Variants in EFCAB14 observed in about 807,000 individuals in gnomAD.
The protein encoded by EFCAB14 is EF-hand calcium-binding domain-containing protein 14.
In EFCAB14, 43 loss-of-function variants were observed where a neutral mutation model predicts 56.5. The observed-to-expected ratio is 0.76, with a 90% CI of 0.60 to 0.98. The LOEUF is 0.98. EFCAB14 is among the 50% of genes least tolerant of loss of function. The pLI is 0.00. For missense variants in EFCAB14, 538 were observed against 580.3 expected (o/e 0.93, Z 0.75); for synonymous variants, 235 against 212.9 (o/e 1.10, Z -0.90).
In EFCAB14 at chr1:46,679,599, G is replaced by GTT. The variant is rs60875639; in HGVS notation, c.1313-965_1313-964dup. Among the ~76,000 whole-genome samples the GTT allele has an allele frequency of 1.9e-3, 68 of 36,520 alleles. 11 individuals are homozygous for GTT. The highest frequency in any genetic ancestry group is 4.3e-3 in the East Asian group (5 of 1,150). 24.0% of individuals were successfully genotyped at this position (36,520 alleles called of 152,430 possible). On this transcript the variant is annotated intron_variant, in intron 10 of 10. Coordinates refer to ENST00000371933, the MANE Select transcript of EFCAB14 (RefSeq NM_014774.3). ...ATTATAGGCGTGAACCACCACGCCT[G>GTT]TTTTTTTTTTTTTTTTTTTTTTTTT...
intron 2 of EFCAB14, among the ~76,000 whole-genome samples, chr1:46,712,158 T>C (rs1677318933): frequency 6.6e-6 from 1 of 152,240 alleles, no homozygotes; most frequent in African/African-American, 2.4e-5. Context: ...TTTTCTAGTA[T>C]ACTTTAGAGG....
At chr1:46,681,228 GGA>G (rs1188969924) in intron 10 of EFCAB14, among the ~76,000 whole-genome samples, 6 of 151,988 alleles carry the variant, frequency 3.9e-5, no homozygotes, top group Non-Finnish European at 8.8e-5. Flanking sequence ...CAAAATGCTG[GGA>G]TTACAGGCAT....
intron 8 of EFCAB14, among the ~76,000 whole-genome samples, chr1:46,686,468 C>G (rs1236518678): frequency 6.6e-5 from 10 of 152,274 alleles, no homozygotes; most frequent in Admixed American, 2.0e-4. Context: ...ACTTATCATA[C>G]TCATGATTCA....
chr1:46,687,289 TTCAAGGCATAA>T (rs1403254534), intron 7 of EFCAB14, among the ~76,000 whole-genome samples: 2 of 152,226 alleles, frequency 1.3e-5, no homozygotes, highest in African/African-American at 4.8e-5. Context: ...CTTGAAAACT[TTCAAGGCATAA>T]TACTCATCAT....
rs2148841164 is a variant in EFCAB14 at position 46,688,439 on chromosome 1, TACTG to T, written c.897_900del (p.Ser300IlefsTer8). On this transcript the variant is annotated frameshift_variant, in exon 7 of 11. Transcript: ENST00000371933. LOFTEE classifies it high-confidence loss of function. ...ATCAGGTTGACTCTCTGGGTAAGAT[TACTG>T]ACTGTCTCGTTCATTCCCTCGAGTT... The T allele has an allele frequency of 6.2e-7, 1 of 1,614,052 alleles. No individual in the cohort carries two copies. Among genetic ancestry groups the T allele is most frequent in the Non-Finnish European group, 8.5e-7 (1 of 1,179,928 alleles).
At chr1:46,713,320 C>A (rs1395148763) in intron 2 of EFCAB14, among the ~76,000 whole-genome samples, 8 of 152,164 alleles carry the variant, frequency 5.3e-5, no homozygotes, top group Admixed American at 5.2e-4. Context: ...CTGCTTCATT[C>A]AGCTGGCTGA....
rs188923730 is a variant in EFCAB14 at position 46,701,567 on chromosome 1, G to C, written c.481-4918C>G. On this transcript the variant is annotated intron_variant, in intron 3 of 10. Coordinates refer to ENST00000371933, the MANE Select transcript of EFCAB14 (RefSeq NM_014774.3). ...GTGCATGGCTAATCAGAAGTATCTCGGGAATGGTAGTGGTCTCACAAAAAG... is the reference window on the plus strand; with the variant it reads ...GTGCATGGCTAATCAGAAGTATCTCCGGAATGGTAGTGGTCTCACAAAAAG... Among the ~76,000 whole-genome samples, 5 of 152,316 alleles carry C rather than the reference G, an allele frequency of 3.3e-5. No homozygotes were observed. The East Asian group carries it at 7.7e-4, about 24-fold the overall frequency.
rs370357691 is a variant in EFCAB14 at position 46,713,228 on chromosome 1, T to C, written c.334+3067A>G. Among the ~76,000 whole-genome samples, 9 of 152,260 alleles carry C rather than the reference T, an allele frequency of 5.9e-5. No homozygotes were observed. The South Asian group carries it at 8.3e-4, about 14-fold the overall frequency. Reference sequence around the variant, plus strand: ...TCCCTCAGGAAGTCCTGCTTTGCAATGTCAGGAAGACATTGCAGGTGCTGG... The same window carrying C: ...TCCCTCAGGAAGTCCTGCTTTGCAACGTCAGGAAGACATTGCAGGTGCTGG... On this transcript the variant is annotated intron_variant, in intron 2 of 10. Coordinates refer to ENST00000371933, the MANE Select transcript of EFCAB14 (RefSeq NM_014774.3).
intron 10 of EFCAB14, 89 bp downstream of exon 10, chr1:46,683,211 A>T (rs1255900322): frequency 3.5e-6 from 5 of 1,436,698 alleles, no homozygotes; most frequent in Non-Finnish European, 4.8e-6. Context: ...TAAATGTTAG[A>T]TCATATATAT....
chr1:46,690,710 C>A (rs1407913864), intron 5 of EFCAB14, among the ~76,000 whole-genome samples: 2 of 152,140 alleles, frequency 1.3e-5, no homozygotes, highest in African/African-American at 4.8e-5. Flanking sequence ...GCAGTTAGAA[C>A]CAGAACCAAG....
Position 46,689,617 on chromosome 1 carries a change from G to T in EFCAB14, c.765C>A (p.Asp255Glu). 6.2e-7 allele frequency: 1 copy of T among 1,613,902 alleles called. No individual in the cohort carries two copies. Among genetic ancestry groups the T allele is most frequent in the Non-Finnish European group, 8.5e-7 (1 of 1,179,808 alleles). Residue 255 changes from aspartate to glutamate, a missense_variant, in exon 6 of 11, where the codon GAC (aspartate) becomes GAA (glutamate). By Grantham distance (45) the Asp-to-Glu change is conservative (BLOSUM62 2). Coordinates refer to ENST00000371933, the MANE Select transcript of EFCAB14 (RefSeq NM_014774.3). ...TCAAATTCTCACTGTGGGTTTTATT[G>T]TCAAGTTCTGATGTGGCTGAAGGTG... ...IPSPSATSEL[D>E]NKTHSENLKQ...
chr1:46,680,384 G>C (rs929601614), intron 10 of EFCAB14, among the ~76,000 whole-genome samples: 1 of 152,182 alleles, frequency 6.6e-6, no homozygotes, highest in Non-Finnish European at 1.5e-5. Context: ...CCATAAAAAG[G>C]AACGAAGTAC....
chr1:46,676,789 CT>C lies in EFCAB14; in HGVS notation c.*1671del, dbSNP rs778719195. ...AAGGGGACACATTCATGGGAAAAGA[CT>C]TCATCTTGCTTTAACTAAATTTTAA... On this transcript the variant is annotated 3_prime_UTR_variant, in exon 11 of 11. Transcript: ENST00000371933. The C allele has an allele frequency of 6.6e-6, 1 of 152,252 alleles. No individual in the cohort carries two copies. The highest frequency in any genetic ancestry group is 1.9e-4 in the East Asian group (1 of 5,182). 9.4% of individuals were successfully genotyped at this position (152,252 alleles called of 1,614,324 possible).
At chr1:46,690,621 T>C (rs1188889555) in intron 5 of EFCAB14, among the ~76,000 whole-genome samples, 4 of 152,150 alleles carry the variant, frequency 2.6e-5, no homozygotes, top group Non-Finnish European at 4.4e-5. Context: ...CTTGAGAGCA[T>C]AATCAAGATA....
chr1:46,713,349 C>T (rs764843441), intron 2 of EFCAB14, among the ~76,000 whole-genome samples: 6 of 152,106 alleles, frequency 3.9e-5, no homozygotes, highest in Non-Finnish European at 7.4e-5. Flanking sequence ...GTTAGGGTCC[C>T]AGGGGAATGT....
At chr1:46,683,276 C>G (rs755519815) in intron 10 of EFCAB14, 24 bp downstream of exon 10, 9 of 1,605,578 alleles carry the variant, frequency 5.6e-6, no homozygotes, top group Non-Finnish European at 7.6e-6. Flanking sequence ...ATTCCCATTA[C>G]TACCCCGTGG....
At chr1:46,681,663 G>GTTTT (rs10654448) in intron 10 of EFCAB14, among the ~76,000 whole-genome samples, 24 of 149,194 alleles carry the variant, frequency 1.6e-4, no homozygotes, top group Non-Finnish European at 2.4e-4. Context: ...GAAGAGTTCT[G>GTTTT]TTTTTTTTTT....
chr1:46,710,726 A>AT (rs1163148997), intron 2 of EFCAB14, among the ~76,000 whole-genome samples: 1 of 151,654 alleles, frequency 6.6e-6, no homozygotes, highest in East Asian at 1.9e-4. Flanking sequence ...GCTATTTTTA[A>AT]TTTTTTTAGA....
chr1:46,696,730 G>A, intron 3 of EFCAB14, 81 bp from the exon 4 acceptor site: 1 of 1,303,662 alleles, frequency 7.7e-7, no homozygotes, highest in Non-Finnish European at 1.1e-6. Flanking sequence ...TCTACGGTTG[G>A]TGATGTCAAG....
Sources: gnomAD v4.1 joint callset for allele counts (sites outside exome capture counted in the v4.1 genomes callset) on GRCh38, gnomAD v4.1.1 for gene constraint, MANE v1.5 for transcripts, NCBI Gene and HGNC (gene_info 2026-07-23, HGNC 2026-07-21) for gene names.